UGT8: variants seen among roughly 807,000 people sequenced by gnomAD.
UGT8 encodes 2-hydroxyacylsphingosine 1-beta-galactosyltransferase.
UGT8 carries 12 observed loss-of-function variants against 40.5 expected under a neutral mutation model. The ratio of observed to expected loss-of-function variants is 0.30; its 90% confidence interval spans 0.19 to 0.48. UGT8 has a LOEUF of 0.48. Among genes scored for constraint, UGT8 ranks in the 20% least tolerant of loss-of-function variants. UGT8 has a pLI of 0.99. For synonymous variants in UGT8, 224 were observed against 240.4 expected (o/e 0.93, Z 0.63); for missense variants, 513 against 648.7 (o/e 0.79, Z 2.27).
At chr4:114,660,180 A>T (rs1299614028) in intron 2 of UGT8, among the ~76,000 whole-genome samples, 2 of 152,196 alleles carry the variant, frequency 1.3e-5, no homozygotes, top group African/African-American at 4.8e-5. Context: ...GAGGCCATTT[A>T]AAAAAAGACA....
In UGT8 at chr4:114,668,073, A is replaced by G; in HGVS notation, c.1043-12A>G. On this transcript the variant is annotated splice_polypyrimidine_tract_variant and intron_variant, in intron 4 of 5. Coordinates refer to ENST00000310836, the MANE Select transcript of UGT8 (RefSeq NM_001128174.3). ...AATGTTGTAAGTTGTTTTCTTTTTC[A>G]TCTTTCTTCAGGGCATTCAAAGATT... is the stretch of plus-strand genomic sequence containing the variant. 3 of 1,609,890 alleles carry G rather than the reference A, an allele frequency of 1.9e-6. No homozygotes were observed. The highest frequency in any genetic ancestry group is 3.4e-5 in the Admixed American group (2 of 59,312).
At chr4:114,637,183 G>A (rs1732937798) in intron 2 of UGT8, among the ~76,000 whole-genome samples, 1 of 152,106 alleles carries the variant, frequency 6.6e-6, no homozygotes. Flanking sequence ...GGGCGATTAT[G>A]GCTCAAACTT....
intron 1 of UGT8, among the ~76,000 whole-genome samples, chr4:114,620,019 A>G (rs1448604720): frequency 1.3e-5 from 2 of 151,828 alleles, no homozygotes; most frequent in African/African-American, 2.4e-5. Context: ...TGACAATGCT[A>G]TTCTAAAATA....
rs1735751148 is a variant in UGT8 at position 114,677,934 on chromosome 4, A to G, written c.*1646A>G. ...AATGTCACAAGTAGTTTTCTAATGT[A>G]CAATGCAGACAAATGTACTGCTCTC... On this transcript the variant is annotated 3_prime_UTR_variant, in exon 6 of 6. Transcript: ENST00000310836. The G allele has an allele frequency of 6.6e-6, 1 of 152,222 alleles. No homozygotes were observed. Among genetic ancestry groups the G allele is most frequent in the Admixed American group, 6.5e-5 (1 of 15,274 alleles). 9.4% of individuals were successfully genotyped at this position (152,222 alleles called of 1,614,324 possible). A position where few individuals can be genotyped will look rare whatever the true frequency, so the allele number is the denominator to read the frequency against.
At chr4:114,624,542 T>G (rs1423947424) in intron 2 of UGT8, among the ~76,000 whole-genome samples, 1 of 152,140 alleles carries the variant, frequency 6.6e-6, no homozygotes, top group Non-Finnish European at 1.5e-5. Flanking sequence ...TTCAAGTTAC[T>G]TTTAATCCTA....
chr4:114,637,080 C>A (rs1732930295), intron 2 of UGT8, among the ~76,000 whole-genome samples: 2 of 152,164 alleles, frequency 1.3e-5, no homozygotes. Flanking sequence ...GCAGCATAAT[C>A]TGGTTAGTAA....
chr4:114,663,780 C>G, intron 2 of UGT8: 1 of 985,090 alleles, frequency 1.0e-6, no homozygotes, highest in East Asian at 1.1e-4. Context: ...ACTTACAGAT[C>G]TTACCAAATA....
intron 2 of UGT8, among the ~76,000 whole-genome samples, chr4:114,653,158 A>C (rs1050310907): frequency 4.6e-5 from 7 of 152,120 alleles, no homozygotes; most frequent in Non-Finnish European, 8.8e-5. Context: ...TCAAGTTCCT[A>C]GTTTTCTAGT....
intron 1 of UGT8, among the ~76,000 whole-genome samples, chr4:114,612,344 C>T (rs1731144553): frequency 6.6e-6 from 1 of 151,910 alleles, no homozygotes; most frequent in Non-Finnish European, 1.5e-5. Flanking sequence ...TTAAAAAAGC[C>T]AAAAACCCTT....
chr4:114,643,081 A>T (rs1390132991), intron 2 of UGT8, among the ~76,000 whole-genome samples: 3 of 152,272 alleles, frequency 2.0e-5, no homozygotes, highest in African/African-American at 7.2e-5. Context: ...ATTGTAGGTG[A>T]AGGTCCAAGG....
At chr4:114,672,326 C>T (rs549410526) in intron 5 of UGT8, among the ~76,000 whole-genome samples, 6 of 152,242 alleles carry the variant, frequency 3.9e-5, no homozygotes, top group Non-Finnish European at 8.8e-5. Flanking sequence ...TGGGTATATA[C>T]TCAAAGGAAT....
intron 3 of UGT8, among the ~76,000 whole-genome samples, chr4:114,664,549 C>T (rs1187024125): frequency 1.3e-5 from 2 of 152,048 alleles, no homozygotes; most frequent in Admixed American, 6.6e-5. Flanking sequence ...CCTAAAATAC[C>T]GTGGACTCTT....
chr4:114,623,782 A>G, intron 2 of UGT8, 80 bp downstream of exon 2: 1 of 1,448,246 alleles, frequency 6.9e-7, no homozygotes, highest in Non-Finnish European at 9.1e-7. Context: ...ATGATTTGTT[A>G]TTTATATATA....
intron 4 of UGT8, 161 bp from the exon 5 acceptor site, chr4:114,667,924 T>C: frequency 1.0e-6 from 1 of 980,706 alleles, no homozygotes. Flanking sequence ...ATAACAAATA[T>C]TTTAATTGGT....
chr4:114,635,725 G>A (rs1485874462), intron 2 of UGT8, among the ~76,000 whole-genome samples: 1 of 152,094 alleles, frequency 6.6e-6, no homozygotes, highest in Non-Finnish European at 1.5e-5. Context: ...TAAGTTTTAA[G>A]TATATCGCTT....
intron 5 of UGT8, among the ~76,000 whole-genome samples, chr4:114,670,801 C>T (rs150058969): frequency 6.6e-6 from 1 of 152,070 alleles, no homozygotes. Context: ...CATAGTATTG[C>T]AAGTTCTGGC....
At chr4:114,655,282 G>A (rs540489298) in intron 2 of UGT8, among the ~76,000 whole-genome samples, 16 of 151,888 alleles carry the variant, frequency 1.1e-4, no homozygotes, top group South Asian at 6.2e-4. Context: ...GAATAGCAAG[G>A]GTCTGCAATG....
intron 2 of UGT8, among the ~76,000 whole-genome samples, chr4:114,640,277 G>A (rs560882260): frequency 6.5e-4 from 98 of 151,610 alleles, no homozygotes; most frequent in Non-Finnish European, 3.7e-4. Context: ...TGATCCGCCC[G>A]CCTCGGCCTC....
At chr4:114,663,710 T>A in intron 2 of UGT8, 1 of 985,262 alleles carries the variant, frequency 1.0e-6, no homozygotes, top group Non-Finnish European at 1.2e-6. Context: ...CATTTCCAAT[T>A]TTTGACCTTT....
Sources: gnomAD v4.1 joint callset for allele counts (sites outside exome capture counted in the v4.1 genomes callset) on GRCh38, gnomAD v4.1.1 for gene constraint, MANE v1.5 for transcripts, NCBI Gene and HGNC (gene_info 2026-07-23, HGNC 2026-07-21) for gene names.